The following STARD13 variants were observed in gnomAD, a reference collection of about 807,000 sequenced individuals.
STARD13 encodes StAR related lipid transfer domain containing 13, also known as stAR-related lipid transfer protein 13.
STARD13 carries 62 observed loss-of-function variants against 106.4 expected under a neutral mutation model. The observed-to-expected ratio is 0.58, with a 90% CI of 0.48 to 0.72. The LOEUF is 0.72. Ranked by LOEUF, STARD13 falls within the 30% of genes least tolerant of loss-of-function variation. The probability of loss-of-function intolerance (pLI) is 0.00; values close to 1 mark genes in which losing one functional copy is unlikely to be tolerated. For missense variants in STARD13, 1,387 were observed against 1,424.0 expected (o/e 0.97, Z 0.42); for synonymous variants, 565 against 553.0 (o/e 1.02, Z -0.31).
At chr13:33,493,827 C>A in the STARD13 span, among the ~76,000 whole-genome samples, 1 of 152,172 alleles carries the variant, frequency 6.6e-6, no homozygotes, top group Non-Finnish European at 1.5e-5. Flanking sequence ...TAAACTTGTA[C>A]ATTCACAGAA....
chr13:33,544,645 T>C, the STARD13 span, among the ~76,000 whole-genome samples: 1 of 152,188 alleles, frequency 6.6e-6, no homozygotes, highest in Non-Finnish European at 1.5e-5. Flanking sequence ...AAAAAAAGAT[T>C]GAGAACAACT....
At chr13:33,166,737 G>A (rs1883352581) in intron 2 of STARD13, among the ~76,000 whole-genome samples, 1 of 152,192 alleles carries the variant, frequency 6.6e-6, no homozygotes, top group Non-Finnish European at 1.5e-5. Context: ...GCTCACGCCT[G>A]TAATCTCAGC....
At chr13:33,218,392 G>A (rs1888161575) in intron 1 of STARD13, among the ~76,000 whole-genome samples, 1 of 152,128 alleles carries the variant, frequency 6.6e-6, no homozygotes, top group African/African-American at 2.4e-5. Context: ...TCTGAAGGTG[G>A]TCTCCGTGCT....
chr13:33,506,092 C>T, the STARD13 span, among the ~76,000 whole-genome samples: 1 of 152,140 alleles, frequency 6.6e-6, no homozygotes, highest in Non-Finnish European at 1.5e-5. Flanking sequence ...GGGAAAAATA[C>T]AGTGCAAATT....
At chr13:33,499,074 G>A in the STARD13 span, among the ~76,000 whole-genome samples, 1 of 152,188 alleles carries the variant, frequency 6.6e-6, no homozygotes, top group Non-Finnish European at 1.5e-5. Flanking sequence ...GGAGGGAGAA[G>A]CAGCAGTGAG....
At chr13:33,395,771 A>G in the STARD13 span, among the ~76,000 whole-genome samples, 1 of 152,202 alleles carries the variant, frequency 6.6e-6, no homozygotes, top group African/African-American at 2.4e-5. Context: ...AACTACTTTT[A>G]TAGTTAATAA....
chr13:33,339,081 A>T (rs1490602569), intron 1 of STARD13, among the ~76,000 whole-genome samples: 1 of 152,136 alleles, frequency 6.6e-6, no homozygotes, highest in Non-Finnish European at 1.5e-5. Context: ...TGGGCCAGAC[A>T]CTGTGCTAAG....
At chr13:33,268,758 A>G (rs967148138) in intron 1 of STARD13, among the ~76,000 whole-genome samples, 5 of 152,350 alleles carry the variant, frequency 3.3e-5, no homozygotes, top group African/African-American at 1.2e-4. Context: ...GAAACATCTG[A>G]AAGATTCTTT....
At chr13:33,437,506 A>G in the STARD13 span, among the ~76,000 whole-genome samples, 3 of 152,220 alleles carry the variant, frequency 2.0e-5, no homozygotes, top group Admixed American at 1.3e-4. Flanking sequence ...GCTCTTGGAC[A>G]TTCCAATCAA....
At chr13:33,517,448 A>T in the STARD13 span, among the ~76,000 whole-genome samples, 1 of 152,164 alleles carries the variant, frequency 6.6e-6, no homozygotes, top group Admixed American at 6.6e-5. Flanking sequence ...ATGTCTGAAG[A>T]CTTAAACCAA....
At chr13:33,414,913 A>G in the STARD13 span, among the ~76,000 whole-genome samples, 2 of 152,208 alleles carry the variant, frequency 1.3e-5, no homozygotes, top group African/African-American at 2.4e-5. Flanking sequence ...ACAACAAAGC[A>G]GCCAACCTCT....
the STARD13 span, among the ~76,000 whole-genome samples, chr13:33,607,386 C>T: frequency 6.6e-6 from 1 of 151,860 alleles, no homozygotes; most frequent in African/African-American, 2.4e-5. Flanking sequence ...CAACCTCCGC[C>T]TCCTGGGTTC....
At chr13:33,297,240 A>G (rs1040299109) in intron 1 of STARD13, among the ~76,000 whole-genome samples, 1 of 152,262 alleles carries the variant, frequency 6.6e-6, no homozygotes, top group Non-Finnish European at 1.5e-5. Context: ...CAGATCTGGT[A>G]TAACACAGAT....
chr13:33,195,440 T>C (rs1886544998), intron 1 of STARD13, among the ~76,000 whole-genome samples: 1 of 152,234 alleles, frequency 6.6e-6, no homozygotes, highest in South Asian at 2.1e-4. Context: ...GAGACTGTCC[T>C]GTAATTCACT....
chr13:33,468,492 T>A, the STARD13 span, among the ~76,000 whole-genome samples: 1 of 152,154 alleles, frequency 6.6e-6, no homozygotes, highest in Non-Finnish European at 1.5e-5. Context: ...CATGGGTGGA[T>A]GAATGCCATT....
intron 1 of STARD13, among the ~76,000 whole-genome samples, chr13:33,265,288 T>G (rs537450089): frequency 6.6e-6 from 1 of 152,216 alleles, no homozygotes; most frequent in East Asian, 1.9e-4. Flanking sequence ...GGCAAATATG[T>G]GCAATTTCCT....
chr13:33,400,019 CTCAA>C, the STARD13 span, among the ~76,000 whole-genome samples: 323 of 152,178 alleles, frequency 2.1e-3, 2 homozygotes, highest in African/African-American at 7.2e-3. Context: ...TAATGATTAT[CTCAA>C]TCAAATTAGT....
chr13:33,561,639 G>C, the STARD13 span, among the ~76,000 whole-genome samples: 1 of 148,104 alleles, frequency 6.8e-6, no homozygotes, highest in Non-Finnish European at 1.5e-5. Flanking sequence ...GAACAGCCGT[G>C]AATAACTTCA....
At chr13:33,185,917 T>A (rs78344284) in intron 1 of STARD13, 1 of 1,614,222 alleles carries the variant, frequency 6.2e-7, no homozygotes. Flanking sequence ...CTTTTCTGTT[T>A]CCCACCACAG....
Sources: allele counts gnomAD v4.1 joint callset (sites outside exome capture counted in the v4.1 genomes callset), GRCh38; gene constraint gnomAD v4.1.1; transcripts MANE v1.5; gene names NCBI Gene and HGNC (gene_info 2026-07-23, HGNC 2026-07-21).